CLCN5: variants seen among roughly 807,000 people sequenced by gnomAD.
The protein encoded by CLCN5 is Cl-/H+ antiporter 5.
CLCN5 carries 17 observed loss-of-function variants against 54.0 expected under a neutral mutation model. The ratio of observed to expected loss-of-function variants is 0.31; its 90% CI spans 0.22 to 0.47. CLCN5 has a LOEUF of 0.47. CLCN5 is among the 20% of genes least tolerant of loss of function. CLCN5 has a pLI of 1.00. For missense variants in CLCN5, 448 were observed against 646.7 expected (o/e 0.69, Z 3.33); for synonymous variants, 222 against 233.0 (o/e 0.95, Z 0.43).
At position 50,090,243 on chromosome X, in the gene CLCN5, G is replaced by A. The variant is rs781948493; in HGVS notation, c.1872G>A (p.Arg624=). Residue 624 remains arginine (R), a synonymous_variant, in exon 13 of 15, where the codon CGG becomes CGA. Transcript: ENST00000376091. ...TSKWVADALG[R]EGIYDAHIRL... Reference sequence around the variant, plus strand: ...AGTGGGTGGCAGATGCTCTTGGGCGGGAGGGCATCTATGATGCCCACATCC... The same window carrying A: ...AGTGGGTGGCAGATGCTCTTGGGCGAGAGGGCATCTATGATGCCCACATCC... 17 of 1,209,740 alleles carry A rather than the reference G, an allele frequency of 1.4e-5. No individual in the cohort carries two copies. Among genetic ancestry groups the A allele is most frequent in the Non-Finnish European group, 1.6e-5 (14 of 894,973 alleles).
intron 3 of CLCN5, among the ~76,000 whole-genome samples, chrX:49,926,486 G>A (rs946831746): frequency 8.9e-6 from 1 of 112,394 alleles, no homozygotes; most frequent in Non-Finnish European, 1.9e-5. Flanking sequence ...GGTACAAAAA[G>A]CAAGGGAAGC....
intron 7 of CLCN5, among the ~76,000 whole-genome samples, chrX:50,078,330 TCA>T (rs781899764): frequency 3.7e-5 from 4 of 109,319 alleles, no homozygotes; most frequent in African/African-American, 1.0e-4. Flanking sequence ...TGAGATCCTG[TCA>T]CACACACACA....
intron 3 of CLCN5, among the ~76,000 whole-genome samples, chrX:49,998,993 C>T (rs782356675): frequency 9.1e-6 from 1 of 109,392 alleles, no homozygotes; most frequent in East Asian, 2.9e-4. Context: ...TAGTGCCACC[C>T]CCCCGCCATA....
At chrX:49,980,900 ATTATTTTCTATAT>A (rs1359191381) in intron 3 of CLCN5, among the ~76,000 whole-genome samples, 2 of 111,441 alleles carry the variant, frequency 1.8e-5, no homozygotes, top group African/African-American at 6.5e-5. Context: ...TCAGAACTTT[ATTATTTTCTATAT>A]TAAGTTATTT....
chrX:49,950,204 C>G (rs1296946923), intron 3 of CLCN5, among the ~76,000 whole-genome samples: 1 of 111,733 alleles, frequency 8.9e-6, no homozygotes, highest in Non-Finnish European at 1.9e-5. Flanking sequence ...CTCCATCTGG[C>G]TAGCACTTTG....
chrX:50,057,994 T>A (rs1569539683), intron 4 of CLCN5, among the ~76,000 whole-genome samples: 5 of 111,351 alleles, frequency 4.5e-5, no homozygotes, highest in Admixed American at 2.9e-4. Flanking sequence ...GCTCTTAGTA[T>A]TTGCTGTTGA....
intron 3 of CLCN5, among the ~76,000 whole-genome samples, chrX:49,999,858 T>A (rs1411406586): frequency 8.9e-6 from 1 of 112,340 alleles, no homozygotes; most frequent in African/African-American, 3.2e-5. Flanking sequence ...CCCCTTTTTT[T>A]ACTTGTTTTA....
intron 4 of CLCN5, among the ~76,000 whole-genome samples, chrX:50,042,872 G>A (rs1455077933): frequency 8.9e-6 from 1 of 111,754 alleles, no homozygotes; most frequent in African/African-American, 3.3e-5. Flanking sequence ...GGATCACTTA[G>A]TCATATGGTA....
In CLCN5 at chrX:49,942,280, A is replaced by G. The variant is rs937430294; in HGVS notation, c.16+16966A>G. Among the ~76,000 whole-genome samples, 5 of 104,898 alleles carry G rather than the reference A, an allele frequency of 4.8e-5. No individual in the cohort carries two copies. In the South Asian group the frequency reaches 2.3e-3, roughly 48 times the overall value. The allele number at this position is 104,898 out of a possible 115,157, so 91.1% of individuals were successfully genotyped here. A position where few individuals can be genotyped will look rare whatever the true frequency, so the allele number is the denominator to read the frequency against. On this transcript the variant is annotated intron_variant, in intron 3 of 14. Transcript: ENST00000376091. ...AAATTTTGATGGATAATGTAGGGCAATGAGTATAGAATCTTCCCCACATCA... is the reference window on the plus strand; with the variant it reads ...AAATTTTGATGGATAATGTAGGGCAGTGAGTATAGAATCTTCCCCACATCA...
At chrX:50,056,154 G>A (rs1183247090) in intron 4 of CLCN5, among the ~76,000 whole-genome samples, 1 of 110,016 alleles carries the variant, frequency 9.1e-6, no homozygotes, top group African/African-American at 3.3e-5. Flanking sequence ...TTTCTGTCTT[G>A]AAATTTTCCC....
intron 3 of CLCN5, among the ~76,000 whole-genome samples, chrX:49,938,399 C>T (rs1476892939): frequency 9.0e-6 from 1 of 111,689 alleles, no homozygotes; most frequent in Admixed American, 9.5e-5. Flanking sequence ...TACTACAAGG[C>T]TACAGTAACC....
chrX:49,971,451 G>A (rs375029016), intron 3 of CLCN5, among the ~76,000 whole-genome samples: 87 of 109,760 alleles, frequency 7.9e-4, no homozygotes, highest in African/African-American at 2.7e-3. Context: ...GATTTTAGGT[G>A]GAAAGCATTC....
intron 4 of CLCN5, among the ~76,000 whole-genome samples, chrX:50,058,323 G>A (rs1412909640): frequency 9.0e-6 from 1 of 111,302 alleles, no homozygotes; most frequent in African/African-American, 3.3e-5. Context: ...TTGTGTTTTT[G>A]TTAGTGTTTA....
intron 3 of CLCN5, among the ~76,000 whole-genome samples, chrX:49,926,261 A>G (rs1450549758): frequency 2.7e-5 from 3 of 112,337 alleles, no homozygotes; most frequent in Non-Finnish European, 1.9e-5. Flanking sequence ...CATTTATGGA[A>G]ACGGGATTTG....
intron 3 of CLCN5, among the ~76,000 whole-genome samples, 195 bp downstream of exon 3, chrX:49,925,509 G>A (rs1340771962): frequency 1.8e-5 from 2 of 112,571 alleles, no homozygotes; most frequent in African/African-American, 3.2e-5. Context: ...ATTTAAAAGT[G>A]GGGTTGTAGG....
chrX:49,978,614 A>G (rs1328126632), intron 3 of CLCN5, among the ~76,000 whole-genome samples: 1 of 112,847 alleles, frequency 8.9e-6, no homozygotes, highest in Non-Finnish European at 1.9e-5. Context: ...AACATAATGT[A>G]AGGCTTCATT....
At position 49,981,149 on chromosome X, in the gene CLCN5, T is replaced by TA. The variant is rs781946753; in HGVS notation, c.16+55842dup. On this transcript the variant is annotated intron_variant, in intron 3 of 14. Coordinates refer to ENST00000376091, the MANE Select transcript of CLCN5 (RefSeq NM_001127898.4). ...GCATTTTCTTACAGTTCTTCATAATTAAAAAAAGCTTGAATCCTTGACTCA... is the reference window on the plus strand; with the variant it reads ...GCATTTTCTTACAGTTCTTCATAATTAAAAAAAAGCTTGAATCCTTGACTCA... Among the ~76,000 whole-genome samples the TA allele has an allele frequency of 2.7e-5, 3 of 111,582 alleles. No individual in the cohort carries two copies. The South Asian group carries it at 1.1e-3, about 42-fold the overall frequency.
chrX:50,042,827 T>C (rs782057818), intron 4 of CLCN5, among the ~76,000 whole-genome samples: 2 of 112,079 alleles, frequency 1.8e-5, no homozygotes, highest in Non-Finnish European at 3.8e-5. Context: ...AAGTTGTTCA[T>C]TTCTTCTTCT....
intron 3 of CLCN5, among the ~76,000 whole-genome samples, chrX:49,931,098 A>C (rs782034134): frequency 2.0e-4 from 22 of 111,631 alleles, no homozygotes; most frequent in African/African-American, 4.9e-4. Flanking sequence ...GGGACAGAGA[A>C]CAGTATTTTT....
Sources: allele counts gnomAD v4.1 joint callset (sites outside exome capture counted in the v4.1 genomes callset), GRCh38; gene constraint gnomAD v4.1.1; transcripts MANE v1.5; gene names NCBI Gene and HGNC (gene_info 2026-07-23, HGNC 2026-07-21).